Variants in DDB2 observed in about 807,000 individuals in gnomAD.
DDB2 encodes the protein damage specific DNA binding protein 2, also known as DNA damage-binding protein 2.
Under a neutral mutation model 50.5 loss-of-function variants are expected in DDB2, and 27 were observed. That is an observed-to-expected ratio of 0.53 (90% CI 0.39 to 0.74). DDB2 has a LOEUF of 0.74. Ranked by LOEUF, DDB2 falls within the 30% of genes least tolerant of loss-of-function variation. The probability of loss-of-function intolerance (pLI) is 0.00; values close to 1 mark genes in which losing one functional copy is unlikely to be tolerated. For missense variants in DDB2, 424 were observed against 545.6 expected, an observed-to-expected ratio of 0.78 and a Z score of 2.22; for synonymous variants, 176 against 205.5, an observed-to-expected ratio of 0.86 and a Z score of 1.23.
In DDB2 at chr11:47,216,252, T is replaced by G. The variant is rs56310830; in HGVS notation, c.128-84T>G. On this transcript the variant is annotated intron_variant, in intron 1 of 9. Coordinates refer to ENST00000256996, the MANE Select transcript of DDB2 (RefSeq NM_000107.3). ...TGAGACAGAGATTAACCGTGCCGAA[T>G]GAAACAAGGCTTCCTTTCGGGGAAT... is the stretch of plus-strand genomic sequence containing the variant. The G allele has an allele frequency of 1.3e-3, 2,041 of 1,601,008 alleles. 20 individuals are homozygous for G. The African/African-American group carries it at 0.023, about 18-fold the overall frequency.
intron 3 of DDB2, among the ~76,000 whole-genome samples, chr11:47,223,373 T>A (rs998603210): frequency 6.6e-6 from 1 of 152,114 alleles, no homozygotes; most frequent in Non-Finnish European, 1.5e-5. Flanking sequence ...TAATCCCAGC[T>A]ACCCGGGAGG....
chr11:47,238,199 A>T lies in DDB2; in HGVS notation c.1234+16A>T. 1 of 1,604,418 alleles carries T rather than the reference A, an allele frequency of 6.2e-7. No individual in the cohort carries two copies. Among genetic ancestry groups the T allele is most frequent in the East Asian group, 2.2e-5 (1 of 44,696 alleles). The stretch of plus-strand genomic sequence containing the variant: ...TCTGCAATGGGTGAGTAGGAGGAGA[A>T]TGTCTCTGACTTGCCAAGTCCGATC... On this transcript the variant is annotated intron_variant, in intron 9 of 9. Coordinates refer to ENST00000256996, the MANE Select transcript of DDB2 (RefSeq NM_000107.3).
At chr11:47,216,736 C>A in intron 2 of DDB2, 122 bp from the exon 3 acceptor site, 2 of 1,088,034 alleles carry the variant, frequency 1.8e-6, no homozygotes, top group African/African-American at 1.5e-5. Flanking sequence ...ACAGGGCAGG[C>A]AGTTAGCTTT....
chr11:47,220,149 G>A (rs559400606), intron 3 of DDB2: 1 of 152,640 alleles, frequency 6.6e-6, no homozygotes, highest in African/African-American at 2.4e-5. Context: ...GGCCAGGTTA[G>A]ACAGGTGTGG....
chr11:47,232,676 C>T (rs760603070), intron 3 of DDB2, 138 bp from the exon 4 acceptor site: 70 of 842,984 alleles, frequency 8.3e-5, no homozygotes, highest in African/African-American at 1.3e-4. Flanking sequence ...CTGTAGAGAG[C>T]GTCCTAGTGT....
intron 3 of DDB2, among the ~76,000 whole-genome samples, chr11:47,222,767 G>A (rs544158872): frequency 3.3e-5 from 5 of 152,360 alleles, no homozygotes; most frequent in African/African-American, 1.2e-4. Context: ...TATTTGTGTG[G>A]ATATATGTTT....
chr11:47,216,199 A>C (rs930945178), intron 1 of DDB2, 137 bp from the exon 2 acceptor site: 9 of 1,315,244 alleles, frequency 6.8e-6, no homozygotes, highest in Non-Finnish European at 9.9e-6. Flanking sequence ...TTGAGACCAC[A>C]CAGACATGGA....
chr11:47,214,935 G>C, upstream of DDB2: 1 of 693,260 alleles, frequency 1.4e-6, no homozygotes, highest in South Asian at 1.8e-5. Flanking sequence ...CCAGGAAGGG[G>C]CGGGGTCTCC....
At chr11:47,216,276 A>T (rs755646110) in intron 1 of DDB2, 60 bp from the exon 2 acceptor site, 2 of 1,613,556 alleles carry the variant, frequency 1.2e-6, no homozygotes, top group South Asian at 2.2e-5. Flanking sequence ...CTTTCGGGGA[A>T]TTCAGCAGAA....
chr11:47,220,711 T>G (rs1360967017), intron 3 of DDB2: 2 of 152,268 alleles, frequency 1.3e-5, no homozygotes, highest in Non-Finnish European at 2.9e-5. Context: ...AATGCTGATT[T>G]GAGACCAGTT....
chr11:47,225,482 C>T (rs563598957), intron 3 of DDB2, among the ~76,000 whole-genome samples: 1 of 151,812 alleles, frequency 6.6e-6, no homozygotes, highest in Admixed American at 6.6e-5. Flanking sequence ...ATCCCAGCTA[C>T]TGGGGAGGCT....
chr11:47,238,296 C>T (rs984857429), intron 9 of DDB2, 113 bp downstream of exon 9: 20 of 953,044 alleles, frequency 2.1e-5, no homozygotes, highest in East Asian at 1.8e-4. Context: ...CAGTGGCCCA[C>T]GAAGAAGATG....
intron 3 of DDB2, among the ~76,000 whole-genome samples, chr11:47,219,633 G>A (rs1184997777): frequency 6.6e-6 from 1 of 152,166 alleles, no homozygotes; most frequent in Admixed American, 6.6e-5. Context: ...TTACAGGGCT[G>A]AGCCACTGTG....
intron 3 of DDB2, among the ~76,000 whole-genome samples, chr11:47,228,889 G>A (rs1164494042): frequency 2.7e-5 from 4 of 148,946 alleles, no homozygotes; most frequent in African/African-American, 4.9e-5. Context: ...CCCAGGAGGC[G>A]GAGGTTGCAG....
chr11:47,229,813 C>CTTT, intron 3 of DDB2: 1 of 381,554 alleles, frequency 2.6e-6, no homozygotes, highest in South Asian at 1.8e-5. Flanking sequence ...AATTTGATGG[C>CTTT]TCTTCTTTTT....
At chr11:47,238,746 C>A (rs1953788683) in intron 9 of DDB2, 54 bp from the exon 10 acceptor site, 2 of 1,598,404 alleles carry the variant, frequency 1.3e-6, no homozygotes, top group Non-Finnish European at 1.7e-6. Flanking sequence ...CAGCCCCAGG[C>A]TCTGAGAGAT....
At position 47,234,885 on chromosome 11, in the gene DDB2, G is replaced by A; in HGVS notation, c.831G>A (p.Gly277=). ...VKIWDLRQVR[G]KASFLYSLPH... ...TTTGGGACCTGCGCCAGGTTAGAGG[G>A]AAAGCCAGCTTCCTCTACTCGCTGC... is the stretch of plus-strand genomic sequence containing the variant. Residue 277 remains glycine (G), a synonymous_variant, in exon 6 of 10, where the codon GGG becomes GGA. Transcript: ENST00000256996. The A allele has an allele frequency of 6.2e-7, 1 of 1,614,246 alleles. No homozygotes were observed. Among genetic ancestry groups the A allele is most frequent in the South Asian group, 1.1e-5 (1 of 91,086 alleles).
At chr11:47,215,296 G>T in intron 1 of DDB2, 33 bp downstream of exon 1, 1 of 1,613,250 alleles carries the variant, frequency 6.2e-7, no homozygotes, top group African/African-American at 1.3e-5. Context: ...GAATATTTCC[G>T]CCTTTTAGGG....
rs765406938 is a variant in DDB2, at chr11:47,237,944, A to G, written c.1131A>G (p.Gly377=). The part of the protein sequence containing the change: ...YELRTIDVFD[G]NSGKMMCQLY... The stretch of plus-strand genomic sequence containing the variant: ...TGAGGACGATCGACGTGTTCGATGG[A>G]AACTCAGGGAAGATGATGTGTCAGC... Residue 377 remains glycine (G), a synonymous_variant, in exon 8 of 10, where the codon GGA becomes GGG. Coordinates refer to ENST00000256996, the MANE Select transcript of DDB2 (RefSeq NM_000107.3). The G allele has an allele frequency of 6.2e-7, 1 of 1,614,122 alleles. No individual in the cohort carries two copies. Among genetic ancestry groups the G allele is most frequent in the South Asian group, 1.1e-5 (1 of 91,078 alleles).
Sources: allele counts gnomAD v4.1 joint callset (sites outside exome capture counted in the v4.1 genomes callset), GRCh38; gene constraint gnomAD v4.1.1; transcripts MANE v1.5; gene names NCBI Gene and HGNC (gene_info 2026-07-23, HGNC 2026-07-21).